EPHA6: variants seen among roughly 807,000 people sequenced by gnomAD.
EPHA6 encodes the protein ephrin type-A receptor 6.
A neutral mutation model predicts 112.0 loss-of-function variants in EPHA6; 50 were observed. The ratio of observed to expected loss-of-function variants is 0.45; its 90% CI spans 0.36 to 0.56. EPHA6 has a LOEUF of 0.56. Ranked by LOEUF, EPHA6 falls within the 20% of genes least tolerant of loss-of-function variation. EPHA6 has a pLI of 0.00. For missense variants in EPHA6, 1,280 were observed against 1,417.4 expected (o/e 0.90, Z 1.56); for synonymous variants, 529 against 490.7 (o/e 1.08, Z -1.03).
intron 3 of EPHA6, among the ~76,000 whole-genome samples, chr3:97,045,176 ATC>A (rs2045461664): frequency 6.6e-6 from 1 of 151,996 alleles, no homozygotes. Flanking sequence ...CTAAAATATC[ATC>A]TAGTAAAGAT....
intron 2 of EPHA6, among the ~76,000 whole-genome samples, chr3:96,902,745 C>A (rs906946897): frequency 6.6e-6 from 1 of 152,144 alleles, no homozygotes; most frequent in African/African-American, 2.4e-5. Context: ...TGCCTTTTCT[C>A]CCCTTCCTTT....
rs866814557 is a variant in EPHA6, at chr3:96,893,003, C to T, written c.450+26114C>T. Among the ~76,000 whole-genome samples, 162 of 150,358 alleles carry T rather than the reference C, an allele frequency of 1.1e-3. 2 individuals carry two copies. Among genetic ancestry groups the T allele is most frequent in the African/African-American group, 3.1e-3 (127 of 40,496 alleles). ...GTGTTCGTGTGTGTGTGTGTGCGCG[C>T]GCAAAGTCATGTGCCACAAAACCAC... On this transcript the variant is annotated intron_variant, in intron 2 of 17. Transcript: ENST00000389672.
chr3:97,367,845 G>C (rs1406859080), intron 5 of EPHA6, among the ~76,000 whole-genome samples: 1 of 151,862 alleles, frequency 6.6e-6, no homozygotes, highest in African/African-American at 2.4e-5. Flanking sequence ...GTGAAAAGTT[G>C]GTCTCTACTT....
intron 3 of EPHA6, among the ~76,000 whole-genome samples, chr3:97,125,124 T>G (rs2048148941): frequency 6.6e-6 from 1 of 151,330 alleles, no homozygotes; most frequent in Admixed American, 6.6e-5. Context: ...GCTATCAGAT[T>G]TAAAGACAGA....
intron 3 of EPHA6, among the ~76,000 whole-genome samples, chr3:97,009,016 C>T (rs575315310): frequency 1.4e-4 from 22 of 152,182 alleles, no homozygotes; most frequent in Admixed American, 8.5e-4. Flanking sequence ...TCTTTTGGCA[C>T]CTCTGACCTT....
At chr3:97,235,562 T>C (rs1398087832) in intron 4 of EPHA6, among the ~76,000 whole-genome samples, 2 of 152,148 alleles carry the variant, frequency 1.3e-5, no homozygotes, top group Non-Finnish European at 2.9e-5. Context: ...AATTTAACAA[T>C]CTCCTAGCAA....
chr3:96,832,634 G>T lies in EPHA6; in HGVS notation c.385+17626G>T, dbSNP rs181131849. Among the ~76,000 whole-genome samples the T allele has an allele frequency of 5.1e-3, 780 of 152,032 alleles. 1 individual carries two copies. Among genetic ancestry groups the T allele is most frequent in the Non-Finnish European group, 8.1e-3 (552 of 67,916 alleles). ...GAGAAAACTTGTGCCACACAATATTGTGCCCAATATTGGTTTGGCTTCCAT... is the reference window on the plus strand; with the variant it reads ...GAGAAAACTTGTGCCACACAATATTTTGCCCAATATTGGTTTGGCTTCCAT... On this transcript the variant is annotated intron_variant, in intron 1 of 17. Transcript: ENST00000389672.
At chr3:97,280,668 C>T (rs2080255972) in intron 5 of EPHA6, among the ~76,000 whole-genome samples, 1 of 152,106 alleles carries the variant, frequency 6.6e-6, no homozygotes, top group Non-Finnish European at 1.5e-5. Flanking sequence ...TGCTGTCTAG[C>T]ATGTATACAT....
intron 3 of EPHA6, among the ~76,000 whole-genome samples, chr3:97,131,303 A>G (rs1356324556): frequency 6.6e-6 from 1 of 152,144 alleles, no homozygotes; most frequent in African/African-American, 2.4e-5. Context: ...GATAGATGAT[A>G]GAAGATAGAG....
chr3:97,067,894 A>C (rs1335522781), intron 3 of EPHA6, among the ~76,000 whole-genome samples: 3 of 151,872 alleles, frequency 2.0e-5, no homozygotes, highest in Non-Finnish European at 4.4e-5. Flanking sequence ...TGTAATCCCA[A>C]CACTTTGGGA....
chr3:97,565,145 C>T (rs1199031104), intron 11 of EPHA6, among the ~76,000 whole-genome samples: 2 of 151,876 alleles, frequency 1.3e-5, no homozygotes, highest in Non-Finnish European at 2.9e-5. Context: ...ACAGAAAGAA[C>T]AGAATAAATA....
chr3:96,905,480 CAT>C (rs140651635), intron 2 of EPHA6, among the ~76,000 whole-genome samples: 10,483 of 151,912 alleles, frequency 0.069, 713 homozygotes, highest in Admixed American at 0.21. Flanking sequence ...TTTAAAAAAT[CAT>C]GTGAAATATT....
intron 13 of EPHA6, among the ~76,000 whole-genome samples, chr3:97,630,546 ATC>A (rs1560208384): frequency 6.6e-6 from 1 of 152,064 alleles, no homozygotes. Context: ...TATAGAAGTA[ATC>A]CTCCAAGGAC....
chr3:97,372,251 C>T lies in EPHA6; in HGVS notation c.1607-32899C>T, dbSNP rs562394681. Among the ~76,000 whole-genome samples the T allele has an allele frequency of 7.9e-5, 12 of 152,188 alleles. No homozygotes were observed. The South Asian group carries it at 1.0e-3, about 13-fold the overall frequency. On this transcript the variant is annotated intron_variant, in intron 5 of 17. Transcript: ENST00000389672. Reference sequence around the variant, plus strand: ...GGTTTAAAATTTTTCTCTTTTGTACCTTTTCCCTTTATTTCTTAGACTGGC... The same window carrying T: ...GGTTTAAAATTTTTCTCTTTTGTACTTTTTCCCTTTATTTCTTAGACTGGC...
chr3:97,686,047 T>C (rs765246651), intron 14 of EPHA6, among the ~76,000 whole-genome samples: 2 of 152,170 alleles, frequency 1.3e-5, no homozygotes, highest in Non-Finnish European at 2.9e-5. Flanking sequence ...TCTGTACATC[T>C]TCTAGTTTAG....
At chr3:97,405,081 A>C in intron 5 of EPHA6, 69 bp from the exon 6 acceptor site, 1 of 1,499,146 alleles carries the variant, frequency 6.7e-7, no homozygotes, top group Non-Finnish European at 9.0e-7. Flanking sequence ...TGGAAGAGAA[A>C]ATATTAAAGA....
In EPHA6 at chr3:97,172,605, G is replaced by A. The variant is rs147128912; in HGVS notation, c.1115-53659G>A. ...ACACAATGCCAAATAGTTTTTTTGGGGGGGACTGAATTAGATTCCTTTTTA... is the reference window on the plus strand; with the variant it reads ...ACACAATGCCAAATAGTTTTTTTGGAGGGGACTGAATTAGATTCCTTTTTA... On this transcript the variant is annotated intron_variant, in intron 3 of 17. Transcript: ENST00000389672. 2.1e-3 allele frequency among the ~76,000 whole-genome samples: 317 copies of A among 151,950 alleles called. 1 individual carries two copies. Among genetic ancestry groups the A allele is most frequent in the African/African-American group, 6.5e-3 (269 of 41,520 alleles).
chr3:97,588,651 A>C (rs1428415411), intron 11 of EPHA6, among the ~76,000 whole-genome samples: 1 of 152,208 alleles, frequency 6.6e-6, no homozygotes, highest in Non-Finnish European at 1.5e-5. Context: ...TTTTTAAAGA[A>C]ACACTAAGAC....
intron 3 of EPHA6, among the ~76,000 whole-genome samples, chr3:97,014,155 A>G (rs1475976697): frequency 1.3e-5 from 2 of 152,192 alleles, no homozygotes; most frequent in African/African-American, 2.4e-5. Flanking sequence ...ATAGAGATAA[A>G]CAGATAGAGA....
Sources: gnomAD v4.1 joint callset for allele counts (sites outside exome capture counted in the v4.1 genomes callset) on GRCh38, gnomAD v4.1.1 for gene constraint, MANE v1.5 for transcripts, NCBI Gene and HGNC (gene_info 2026-07-23, HGNC 2026-07-21) for gene names.